HIPK3: variants seen among roughly 807,000 people sequenced by gnomAD.
The protein encoded by HIPK3 is homeodomain-interacting protein kinase 3.
A neutral mutation model predicts 124.2 loss-of-function variants in HIPK3; 47 were observed. That is an observed-to-expected ratio of 0.38 (90% CI 0.30 to 0.48). HIPK3 has a LOEUF of 0.48. HIPK3 is among the 20% of genes least tolerant of loss of function. The pLI is 0.98. For synonymous variants in HIPK3, 482 were observed against 515.2 expected, an observed-to-expected ratio of 0.94 and a Z score of 0.87; for missense variants, 1,286 against 1,454.3, an observed-to-expected ratio of 0.88 and a Z score of 1.88.
At chr11:33,305,168 C>G (rs899184777) in intron 2 of HIPK3, among the ~76,000 whole-genome samples, 1 of 151,968 alleles carries the variant, frequency 6.6e-6, no homozygotes, top group East Asian at 1.9e-4. Flanking sequence ...GCCTGACCAA[C>G]TTTTGTATTT....
chr11:33,287,414 G>C lies in HIPK3; in HGVS notation c.1000G>C (p.Val334Leu). ...KPENIMLVDPVRQPYRVKVID... is the reference protein window; with the variant it reads ...KPENIMLVDPLRQPYRVKVID... Reference sequence around the variant, plus strand: ...AGAGAATATTATGTTGGTGGATCCTGTTCGGCAGCCTTACAGGGTTAAAGT... The same window carrying C: ...AGAGAATATTATGTTGGTGGATCCTCTTCGGCAGCCTTACAGGGTTAAAGT... Residue 334 changes from valine (V) to leucine (L), a missense_variant, in exon 2 of 17, where the codon GTT becomes CTT. Around this residue, in one of 3 missense-constraint regions of HIPK3, gnomAD observed 251 missense variants for 349.1 expected, o/e 0.72. Transcript: ENST00000303296. The C allele has an allele frequency of 6.2e-7, 1 of 1,614,176 alleles. No homozygotes were observed. Among genetic ancestry groups the C allele is most frequent in the Non-Finnish European group, 8.5e-7 (1 of 1,180,030 alleles).
intron 1 of HIPK3, among the ~76,000 whole-genome samples, chr11:33,269,835 C>G (rs181296774): frequency 1.3e-5 from 2 of 152,024 alleles, no homozygotes; most frequent in Admixed American, 1.3e-4. Context: ...GCTTTCAACC[C>G]ATATTTTGAA....
At position 33,348,158 on chromosome 11, in the gene HIPK3, T is replaced by C. The variant is rs751314891; in HGVS notation, c.2307-8T>C. The C allele has an allele frequency of 6.2e-7, 1 of 1,613,692 alleles. No individual in the cohort carries two copies. Among genetic ancestry groups the C allele is most frequent in the East Asian group, 2.2e-5 (1 of 44,870 alleles). On this transcript the variant is annotated splice_polypyrimidine_tract_variant and splice_region_variant and intron_variant, in intron 11 of 16. Transcript: ENST00000303296. Reference sequence around the variant, plus strand: ...AACACTAAGCCAGCTCCCTTCTCAATTTCTCAGAGGTATTTTGGTAAAACT... The same window carrying C: ...AACACTAAGCCAGCTCCCTTCTCAACTTCTCAGAGGTATTTTGGTAAAACT...
chr11:33,267,161 C>T (rs190857589), intron 1 of HIPK3, among the ~76,000 whole-genome samples: 2 of 151,524 alleles, frequency 1.3e-5, no homozygotes, highest in Admixed American at 6.6e-5. Context: ...CTTGCTCTGT[C>T]CCCCAGGCTA....
At chr11:33,268,480 A>C (rs1851033973) in intron 1 of HIPK3, among the ~76,000 whole-genome samples, 1 of 150,706 alleles carries the variant, frequency 6.6e-6, no homozygotes, top group African/African-American at 2.4e-5. Context: ...AGTCCTAGCC[A>C]CTCGGGAGAC....
intron 3 of HIPK3, among the ~76,000 whole-genome samples, chr11:33,333,507 C>T (rs1254005018): frequency 1.3e-5 from 2 of 152,096 alleles, no homozygotes; most frequent in Non-Finnish European, 2.9e-5. Flanking sequence ...TAGTTGAGTT[C>T]ATGAGGCCAG....
intron 1 of HIPK3, among the ~76,000 whole-genome samples, chr11:33,275,764 T>C (rs1396700057): frequency 6.6e-6 from 1 of 152,234 alleles, no homozygotes; most frequent in Non-Finnish European, 1.5e-5. Flanking sequence ...GAAGAAGTTA[T>C]ATAATGACCA....
intron 2 of HIPK3, among the ~76,000 whole-genome samples, chr11:33,316,750 G>A (rs1852514544): frequency 6.6e-6 from 1 of 152,112 alleles, no homozygotes; most frequent in South Asian, 2.1e-4. Context: ...CCAGACCCTG[G>A]AGGTTGAGAC....
intron 2 of HIPK3, among the ~76,000 whole-genome samples, chr11:33,319,895 A>G (rs1852615229): frequency 6.6e-6 from 1 of 152,254 alleles, no homozygotes; most frequent in Non-Finnish European, 1.5e-5. Context: ...AGATAAAGGA[A>G]GAAAGGCAAG....
chr11:33,342,102 CAAAAA>C (rs58073130), intron 8 of HIPK3, among the ~76,000 whole-genome samples: 10 of 55,582 alleles, frequency 1.8e-4, no homozygotes, highest in East Asian at 5.2e-4. Context: ...GACTCTGTCT[CAAAAA>C]AAAAAAAAAA....
intron 2 of HIPK3, among the ~76,000 whole-genome samples, chr11:33,290,031 AT>A (rs1851658298): frequency 6.6e-6 from 1 of 152,158 alleles, no homozygotes; most frequent in Non-Finnish European, 1.5e-5. Context: ...TATGTATCAC[AT>A]TTTCTTTATC....
chr11:33,325,648 T>A (rs1301393557), intron 2 of HIPK3, among the ~76,000 whole-genome samples: 1 of 152,224 alleles, frequency 6.6e-6, no homozygotes. Flanking sequence ...CTGATACTTT[T>A]CTTTGTGTGA....
chr11:33,348,918 C>T (rs72919319), intron 13 of HIPK3, 100 bp downstream of exon 13: 26,949 of 1,166,478 alleles, frequency 0.023, 375 homozygotes, highest in Non-Finnish European at 0.028. Context: ...TCAATGTACT[C>T]TGGAGTAAAA....
chr11:33,345,231 G>A (rs116505067), intron 8 of HIPK3, among the ~76,000 whole-genome samples: 1,563 of 152,004 alleles, frequency 0.01, 31 homozygotes, highest in African/African-American at 0.036. Flanking sequence ...TATTAAACAA[G>A]CTTTTAAAAT....
intron 2 of HIPK3, among the ~76,000 whole-genome samples, chr11:33,313,183 G>T (rs1361116591): frequency 1.3e-5 from 2 of 152,080 alleles, no homozygotes; most frequent in East Asian, 3.8e-4. Context: ...ACCAATTGAA[G>T]GATATTATAC....
At chr11:33,322,590 C>T (rs1852696665) in intron 2 of HIPK3, among the ~76,000 whole-genome samples, 1 of 152,136 alleles carries the variant, frequency 6.6e-6, no homozygotes, top group African/African-American at 2.4e-5. Context: ...CTTCAGGAGG[C>T]CGAGGCAGGC....
rs1414094531 is a variant in HIPK3, at chr11:33,355,778, CCCA to C, written c.*2212_*2214del. 1.3e-5 allele frequency: 2 copies of C among 151,582 alleles called. No homozygotes were observed. Among genetic ancestry groups the C allele is most frequent in the Admixed American group, 1.3e-4 (2 of 15,196 alleles). The allele number at this position is 151,582 out of a possible 1,614,324, so 9.4% of individuals were successfully genotyped here. A position where few individuals can be genotyped will look rare whatever the true frequency, so the allele number is the denominator to read the frequency against. Reference sequence around the variant, plus strand: ...ACTGAAAATGAAGGACTTAATTTTCCCCACAAGTTTCAGTGTTTTTAGTAATTA... The same window carrying C: ...ACTGAAAATGAAGGACTTAATTTTCCCAAGTTTCAGTGTTTTTAGTAATTA... On this transcript the variant is annotated 3_prime_UTR_variant, in exon 17 of 17. Transcript: ENST00000303296.
chr11:33,282,479 C>T (rs1057274893), intron 1 of HIPK3, among the ~76,000 whole-genome samples: 2 of 152,218 alleles, frequency 1.3e-5, no homozygotes, highest in African/African-American at 2.4e-5. Context: ...GCCAGGAGTT[C>T]GAGACCAGCT....
chr11:33,267,753 C>T (rs1046904473), intron 1 of HIPK3, among the ~76,000 whole-genome samples: 3 of 152,052 alleles, frequency 2.0e-5, no homozygotes, highest in Non-Finnish European at 4.4e-5. Context: ...GCCTCGGCCT[C>T]CCAAAGTGCT....
Sources: allele counts gnomAD v4.1 joint callset (sites outside exome capture counted in the v4.1 genomes callset), GRCh38; gene constraint gnomAD v4.1.1; regional missense constraint gnomAD v4.1.1; transcripts MANE v1.5; gene names NCBI Gene and HGNC (gene_info 2026-07-23, HGNC 2026-07-21).